The following FANCI variants were observed in gnomAD, a reference collection of about 807,000 sequenced individuals.
FANCI encodes Fanconi anemia group I protein.
A neutral mutation model predicts 176.1 loss-of-function variants in FANCI; 156 were observed. The ratio of observed to expected loss-of-function variants is 0.89; its 90% CI spans 0.78 to 1.01. The LOEUF (loss-of-function observed/expected upper bound fraction) is 1.01. FANCI is among the 50% of genes least tolerant of loss of function. The pLI is 0.00. For synonymous variants in FANCI, 613 were observed against 541.7 expected (o/e 1.13, Z -1.83); for missense variants, 1,678 against 1,534.1 (o/e 1.09, Z -1.57).
rs2055268756 is a variant in FANCI at position 89,316,469 on chromosome 15, C to CTGAG, written c.*12_*15dup. 5 of 1,605,668 alleles carry CTGAG rather than the reference C, an allele frequency of 3.1e-6. No homozygotes were observed. The Admixed American group carries it at 6.8e-5, about 22-fold the overall frequency. On this transcript the variant is annotated 3_prime_UTR_variant, in exon 38 of 38. Transcript: ENST00000310775. ...GAAAAGGAAAAAATAAATGAAATGCCTGAGTTAATGTGAACTTTGGGGCTT... is the reference window on the plus strand; with the variant it reads ...GAAAAGGAAAAAATAAATGAAATGCCTGAGTGAGTTAATGTGAACTTTGGGGCTT...
chr15:89,303,869 G>A lies in FANCI; in HGVS notation c.3012G>A (p.Val1004=). The change falls in exon 28 of 38, where the codon GTG becomes GTA. Residue 1004 remains valine, a synonymous_variant. Transcript: ENST00000310775. The stretch of plus-strand genomic sequence containing the variant: ...CTGAATGATCTCTAATTTAGTTTGT[G>A]CAGATGTTATCCTGGACATCAAAGA... ...KLLEPSSPQF[V]QMLSWTSKIC... is the part of the protein sequence containing the mutation. 1 of 1,613,794 alleles carries A rather than the reference G, an allele frequency of 6.2e-7. No homozygotes were observed. The highest frequency in any genetic ancestry group is 8.5e-7 in the Non-Finnish European group (1 of 1,179,728).
At chr15:89,274,360 G>T in intron 12 of FANCI, 56 bp downstream of exon 12, 1 of 1,597,444 alleles carries the variant, frequency 6.3e-7, no homozygotes, top group South Asian at 1.1e-5. Flanking sequence ...GTTAGAAAAT[G>T]CAATGTGATA....
At chr15:89,265,047 G>T (rs1341162727) in intron 9 of FANCI, among the ~76,000 whole-genome samples, 2 of 152,186 alleles carry the variant, frequency 1.3e-5, no homozygotes, top group East Asian at 3.8e-4. Flanking sequence ...ACTTTAGATT[G>T]GGTCAGGGAA....
intron 9 of FANCI, among the ~76,000 whole-genome samples, chr15:89,268,111 T>A (rs185798092): frequency 6.6e-6 from 1 of 152,162 alleles, no homozygotes; most frequent in African/African-American, 2.4e-5. Flanking sequence ...TTTTTGTTGT[T>A]GTTGAGACAG....
intron 9 of FANCI, among the ~76,000 whole-genome samples, chr15:89,265,725 A>G (rs1309232970): frequency 6.6e-6 from 1 of 151,000 alleles, no homozygotes; most frequent in East Asian, 2.0e-4. Flanking sequence ...GGGTTTCACC[A>G]TGTTGGCCAG....
rs1247107200 is a variant in FANCI, at chr15:89,314,659, C to G, written c.3768C>G (p.Ala1256=). 1 of 1,614,170 alleles carries G rather than the reference C, an allele frequency of 6.2e-7. No individual in the cohort carries two copies. The highest frequency in any genetic ancestry group is 2.2e-5 in the East Asian group (1 of 44,890). The change falls in exon 36 of 38, where the codon GCC becomes GCG. Residue 1256 remains alanine (A), a synonymous_variant. Transcript: ENST00000310775. ...ETKPIPNLIF[A]IEQYEKFLIH... is the part of the protein sequence containing the mutation. The stretch of plus-strand genomic sequence containing the variant: ...AGCCAATCCCTAACCTCATCTTTGC[C>G]ATAGAACAGTATGAAAAATTTCTCA...
At position 89,294,943 on chromosome 15, in the gene FANCI, CT is replaced by C; in HGVS notation, c.2488del (p.Ser830LeufsTer14). ...RDSIQSHQES[L>X]SVLRSSNEFM... is the part of the protein sequence containing the mutation. Reference sequence around the variant, plus strand: ...TAGTATCCAAAGCCACCAAGAAAGCCTTTCTGTTCTCAGGTCCAGCAATGAG... The same window carrying C: ...TAGTATCCAAAGCCACCAAGAAAGCCTTCTGTTCTCAGGTCCAGCAATGAG... On this transcript the variant is annotated frameshift_variant, in exon 24 of 38. Coordinates refer to ENST00000310775, the MANE Select transcript of FANCI (RefSeq NM_001113378.2). LOFTEE classifies it high-confidence loss of function. 6.4e-7 allele frequency: 1 copy of C among 1,552,300 alleles called. No individual in the cohort carries two copies. Among genetic ancestry groups the C allele is most frequent in the Non-Finnish European group, 8.7e-7 (1 of 1,147,124 alleles).
rs927278463 is a variant in FANCI, at chr15:89,243,995, C to A, written c.-58C>A. ...GTTACGGGTAACGGAAGTGTGGCGG[C>A]GTTGGGTTGAGCGGGCTTTTTGGAA... On this transcript the variant is annotated 5_prime_UTR_variant, in exon 1 of 38. Transcript: ENST00000310775. The A allele has an allele frequency of 1.3e-5, 2 of 152,610 alleles. No homozygotes were observed. The highest frequency in any genetic ancestry group is 4.8e-5 in the African/African-American group (2 of 41,454). 9.5% of individuals were successfully genotyped at this position (152,610 alleles called of 1,614,324 possible).
chr15:89,283,388 C>CTGA (rs539373037), intron 17 of FANCI, 138 bp downstream of exon 17: 150 of 1,308,388 alleles, frequency 1.1e-4, no homozygotes, highest in South Asian at 3.8e-4. Context: ...GATGATGGTG[C>CTGA]TGATGATGAT....
intron 2 of FANCI, among the ~76,000 whole-genome samples, chr15:89,256,655 T>C (rs9302346): frequency 0.026 from 3,903 of 152,302 alleles, 144 homozygotes; most frequent in African/African-American, 0.082. Flanking sequence ...TCTGTTTCCA[T>C]TGATGCTCCA....
chr15:89,254,548 A>T (rs868004174), intron 2 of FANCI, among the ~76,000 whole-genome samples: 59 of 152,166 alleles, frequency 3.9e-4, no homozygotes, highest in Non-Finnish European at 2.9e-4. Context: ...CATAATTAAT[A>T]AATAAATTAC....
Position 89,301,316 on chromosome 15 carries a change from C to T in FANCI, c.2890-10C>T. On this transcript the variant is annotated splice_polypyrimidine_tract_variant and intron_variant, in intron 26 of 37. Coordinates refer to ENST00000310775, the MANE Select transcript of FANCI (RefSeq NM_001113378.2). The stretch of plus-strand genomic sequence containing the variant: ...TAACATTGCTTGCTGTGTGTGCCTT[C>T]CTTTCTCAGAGGTCCTTGTTGAATT... The T allele has an allele frequency of 6.3e-7, 1 of 1,590,144 alleles. No homozygotes were observed. Among genetic ancestry groups the T allele is most frequent in the Admixed American group, 1.7e-5 (1 of 59,994 alleles).
chr15:89,315,181 A>C, intron 36 of FANCI, 101 bp from the exon 37 acceptor site: 1 of 861,298 alleles, frequency 1.2e-6, no homozygotes, highest in Non-Finnish European at 2.0e-6. Flanking sequence ...TGCTTTAGGT[A>C]GAAATGGAAA....
At chr15:89,248,935 C>G (rs892269485) in intron 2 of FANCI, among the ~76,000 whole-genome samples, 3 of 152,154 alleles carry the variant, frequency 2.0e-5, no homozygotes, top group East Asian at 1.9e-4. Flanking sequence ...CACCTGTAGT[C>G]CCAGCACTTT....
chr15:89,296,928 C>T lies in FANCI; in HGVS notation c.2636+1834C>T, dbSNP rs1043315142. Among the ~76,000 whole-genome samples, 7 of 149,326 alleles carry T rather than the reference C, an allele frequency of 4.7e-5. No individual in the cohort carries two copies. In the South Asian group the frequency reaches 1.1e-3, roughly 23 times the overall value. ...CTGGCCGGGCGGGGGGCTGACCCCC[C>T]CACCTCCCTCCCGGACGGGGCGGCT... On this transcript the variant is annotated intron_variant, in intron 24 of 37. Transcript: ENST00000310775.
At chr15:89,293,296 T>TTTCCCAGACCCTGAA (rs1172287830) in intron 22 of FANCI, among the ~76,000 whole-genome samples, 2 of 152,202 alleles carry the variant, frequency 1.3e-5, no homozygotes, top group Non-Finnish European at 2.9e-5. Context: ...TTACTCAGAA[T>TTTCCCAGACCCTGAA]TTCCCAGACC....
intron 15 of FANCI, 89 bp downstream of exon 15, chr15:89,281,389 T>G: frequency 6.9e-7 from 1 of 1,455,006 alleles, no homozygotes; most frequent in Non-Finnish European, 9.6e-7. Flanking sequence ...AATATATATG[T>G]CTAAGAAATT....
intron 27 of FANCI, among the ~76,000 whole-genome samples, chr15:89,301,984 A>G (rs539954478): frequency 6.6e-6 from 1 of 152,360 alleles, no homozygotes; most frequent in Non-Finnish European, 1.5e-5. Flanking sequence ...GTGCACACGT[A>G]GATGTAGAGC....
chr15:89,311,498 A>C (rs1055670644), intron 34 of FANCI, among the ~76,000 whole-genome samples: 2 of 151,282 alleles, frequency 1.3e-5, no homozygotes, highest in Non-Finnish European at 1.5e-5. Context: ...AACAGGGTTG[A>C]TCTAAGGAGT....
Sources: gnomAD v4.1 joint callset for allele counts (sites outside exome capture counted in the v4.1 genomes callset) on GRCh38, gnomAD v4.1.1 for gene constraint, MANE v1.5 for transcripts, NCBI Gene and HGNC (gene_info 2026-07-23, HGNC 2026-07-21) for gene names.